Variants in CNTN3 observed in about 807,000 individuals in gnomAD.
CNTN3 encodes the protein contactin-3.
A neutral mutation model predicts 119.1 loss-of-function variants in CNTN3; 60 were observed. The ratio of observed to expected loss-of-function variants is 0.50; its 90% CI spans 0.41 to 0.62. The LOEUF is 0.62. CNTN3 is among the 20% of genes least tolerant of loss of function. The probability of loss-of-function intolerance (pLI) is 0.00; values close to 1 mark genes in which losing one functional copy is unlikely to be tolerated. For synonymous variants in CNTN3, 450 were observed against 438.7 expected (o/e 1.03, Z -0.32); for missense variants, 1,101 against 1,242.4 (o/e 0.89, Z 1.71).
intron 1 of CNTN3, among the ~76,000 whole-genome samples, chr3:74,605,178 A>G (rs1704970733): frequency 2.6e-5 from 4 of 152,156 alleles, no homozygotes; most frequent in African/African-American, 9.6e-5. Context: ...CAAAGGATAC[A>G]GAATTTCTGT....
intron 3 of CNTN3, among the ~76,000 whole-genome samples, chr3:74,492,477 T>A (rs1038863755): frequency 1.3e-5 from 2 of 152,164 alleles, no homozygotes; most frequent in Non-Finnish European, 2.9e-5. Context: ...TAATAAAATA[T>A]AATGGTGGAG....
intron 2 of CNTN3, among the ~76,000 whole-genome samples, chr3:74,518,205 G>C (rs1011051193): frequency 6.6e-6 from 1 of 151,934 alleles, no homozygotes; most frequent in Non-Finnish European, 1.5e-5. Context: ...AATATGCGGA[G>C]TAATCAATGA....
At chr3:74,454,868 G>A (rs1398642146) in intron 4 of CNTN3, among the ~76,000 whole-genome samples, 9 of 152,118 alleles carry the variant, frequency 5.9e-5, no homozygotes, top group Admixed American at 2.6e-4. Context: ...AGTTTCTGCC[G>A]AGAGATCCAC....
intron 2 of CNTN3, 51 bp downstream of exon 2, chr3:74,521,007 A>AGG: frequency 9.6e-7 from 1 of 1,038,682 alleles, no homozygotes; most frequent in Non-Finnish European, 1.4e-6. Context: ...TAAGCATATG[A>AGG]CTCGAGTATA....
chr3:74,519,963 G>C (rs1703515072), intron 2 of CNTN3, among the ~76,000 whole-genome samples: 1 of 151,552 alleles, frequency 6.6e-6, no homozygotes, highest in Non-Finnish European at 1.5e-5. Context: ...AAGCATGTTT[G>C]AACTTTGACA....
chr3:74,394,871 T>A (rs764640220), intron 5 of CNTN3, among the ~76,000 whole-genome samples: 5 of 152,254 alleles, frequency 3.3e-5, no homozygotes, highest in Non-Finnish European at 7.4e-5. Context: ...AGTAAAATGA[T>A]GTGCGTGGAA....
At chr3:74,499,882 T>C (rs1328612027) in intron 2 of CNTN3, 97 bp from the exon 3 acceptor site, 3 of 1,219,032 alleles carry the variant, frequency 2.5e-6, no homozygotes, top group Non-Finnish European at 1.1e-6. Context: ...CTAAAAATTC[T>C]AGTACTGCTC....
intron 4 of CNTN3, among the ~76,000 whole-genome samples, chr3:74,464,856 T>C (rs9683317): frequency 0.16 from 24,668 of 152,106 alleles, 2,445 homozygotes; most frequent in East Asian, 0.46. Flanking sequence ...AAATGGGCAG[T>C]TAGACCTAGA....
rs375478340 is a variant in CNTN3, at chr3:74,371,434, T to C, written c.455-35A>G. On this transcript the variant is annotated intron_variant, in intron 5 of 22. Coordinates refer to ENST00000263665, the MANE Select transcript of CNTN3 (RefSeq NM_020872.3). ...TTGTTGAAGAGAGAAAGAAATTCCA[T>C]CATTAAGGACAGTTTTCCATTGTGT... 6.0e-6 allele frequency: 9 copies of C among 1,499,342 alleles called. No homozygotes were observed. The African/African-American group carries it at 9.7e-5, about 16-fold the overall frequency. The allele number at this position is 1,499,342 out of a possible 1,614,324, so 92.9% of individuals were successfully genotyped here.
intron 5 of CNTN3, among the ~76,000 whole-genome samples, chr3:74,401,647 G>A (rs1349258111): frequency 6.6e-6 from 1 of 152,110 alleles, no homozygotes; most frequent in Non-Finnish European, 1.5e-5. Context: ...TTGGGTCTGA[G>A]GAACATAACT....
intron 4 of CNTN3, among the ~76,000 whole-genome samples, chr3:74,485,477 T>C (rs1186147465): frequency 1.3e-5 from 2 of 151,928 alleles, no homozygotes; most frequent in Non-Finnish European, 2.9e-5. Context: ...ACACACAGAA[T>C]ATAATGGCAC....
At chr3:74,375,266 C>G (rs1704450917) in intron 5 of CNTN3, among the ~76,000 whole-genome samples, 1 of 152,062 alleles carries the variant, frequency 6.6e-6, no homozygotes, top group Non-Finnish European at 1.5e-5. Flanking sequence ...TAGGAGGAGC[C>G]ACTCTGGGGC....
intron 19 of CNTN3, among the ~76,000 whole-genome samples, chr3:74,293,053 C>T (rs1424339232): frequency 6.6e-6 from 1 of 152,200 alleles, no homozygotes; most frequent in Non-Finnish European, 1.5e-5. Context: ...ACTATTCTGT[C>T]TCTGATCAGG....
intron 1 of CNTN3, among the ~76,000 whole-genome samples, chr3:74,607,689 G>A (rs1207188176): frequency 6.6e-6 from 1 of 152,120 alleles, no homozygotes; most frequent in Non-Finnish European, 1.5e-5. Flanking sequence ...GCAAGGTAAA[G>A]GAGTTCATGA....
chr3:74,487,325 G>T (rs1702877238), intron 3 of CNTN3, among the ~76,000 whole-genome samples: 1 of 152,048 alleles, frequency 6.6e-6, no homozygotes, highest in Non-Finnish European at 1.5e-5. Context: ...CAGTAAGTAT[G>T]CTTGACATAT....
intron 4 of CNTN3, among the ~76,000 whole-genome samples, chr3:74,445,552 T>G: frequency 6.6e-6 from 1 of 152,178 alleles, no homozygotes. Flanking sequence ...GAAAGCCTTC[T>G]ACCAGAATCA....
chr3:74,502,165 C>T lies in CNTN3; in HGVS notation c.56-2380G>A, dbSNP rs1703177816. Among the ~76,000 whole-genome samples, 3 of 151,934 alleles carry T rather than the reference C, an allele frequency of 2.0e-5. No individual in the cohort carries two copies. The South Asian group carries it at 6.2e-4, about 32-fold the overall frequency. On this transcript the variant is annotated intron_variant, in intron 2 of 22. Transcript: ENST00000263665. ...TTTCTGACAAATTCTGATGTTTGTA[C>T]AGCTTGAAAGCAATAATGCATTAAC...
intron 1 of CNTN3, among the ~76,000 whole-genome samples, chr3:74,549,306 G>A (rs926938984): frequency 3.3e-5 from 5 of 152,150 alleles, no homozygotes; most frequent in Admixed American, 2.0e-4. Context: ...CGTCACGATT[G>A]TAAGTTTCCT....
At chr3:74,421,057 T>C (rs1022262386) in intron 5 of CNTN3, among the ~76,000 whole-genome samples, 1 of 152,168 alleles carries the variant, frequency 6.6e-6, no homozygotes, top group Non-Finnish European at 1.5e-5. Flanking sequence ...CCCATACTTT[T>C]ACCCAAAAAG....
Sources: gnomAD v4.1 joint callset for allele counts (sites outside exome capture counted in the v4.1 genomes callset) on GRCh38, gnomAD v4.1.1 for gene constraint, MANE v1.5 for transcripts, NCBI Gene and HGNC (gene_info 2026-07-23, HGNC 2026-07-21) for gene names.